Variants in AMELY observed in about 807,000 individuals in gnomAD.
The protein encoded by AMELY is amelogenin Y-linked, also known as amelogenin, Y isoform.
A neutral mutation model predicts 4.2 loss-of-function variants in AMELY; 4 were observed. The ratio of observed to expected loss-of-function variants is 0.96; its 90% CI spans 0.47 to 2.19. The LOEUF (loss-of-function observed/expected upper bound fraction) is 2.19. AMELY is among the 30% of genes most tolerant of loss of function. The probability of loss-of-function intolerance (pLI) is 0.02; values close to 1 mark genes in which losing one functional copy is unlikely to be tolerated. For missense variants in AMELY, 32 were observed against 41.5 expected, an observed-to-expected ratio of 0.77 and a Z score of 0.63; for synonymous variants, 11 against 14.7, an observed-to-expected ratio of 0.75 and a Z score of 0.57.
chrY:6,886,224 T>C (rs1292601716), intron 1 of AMELY, among the ~76,000 whole-genome samples: 2 of 33,748 alleles, frequency 5.9e-5, no homozygotes, highest in African/African-American at 1.2e-4. Context: ...AAATACAGAA[T>C]ATCTCAATAA....
chrY:6,885,424 A>G, intron 1 of AMELY, among the ~76,000 whole-genome samples: 1 of 34,402 alleles, frequency 2.9e-5, no homozygotes, highest in Admixed American at 2.6e-4. Flanking sequence ...GCAGGGAGCC[A>G]AAATTGTGCC....
chrY:6,874,936 C>T (rs968693189), intron 1 of AMELY, among the ~76,000 whole-genome samples: 1 of 32,801 alleles, frequency 3.0e-5, no homozygotes, highest in Non-Finnish European at 7.5e-5. Context: ...AATCTAGCAT[C>T]GAGAGATAAT....
intron 4 of AMELY, 70 bp downstream of exon 4, chrY:6,869,936 A>G: frequency 2.9e-6 from 1 of 339,921 alleles, no homozygotes; most frequent in East Asian, 9.5e-5. Context: ...GAATCCACCC[A>G]CTATTCTTTA....
chrY:6,905,988 G>C, intron 1 of AMELY, among the ~76,000 whole-genome samples: 1 of 33,191 alleles, frequency 3.0e-5, no homozygotes, highest in African/African-American at 1.2e-4. Context: ...GGAATCTATT[G>C]GGAGGTGACT....
At chrY:6,873,335 A>G in intron 2 of AMELY, among the ~76,000 whole-genome samples, 1 of 33,397 alleles carries the variant, frequency 3.0e-5, no homozygotes, top group African/African-American at 1.2e-4. Context: ...ATTTCATGGT[A>G]TCTTCCCTTT....
intron 1 of AMELY, among the ~76,000 whole-genome samples, chrY:6,882,680 T>A (rs2054075680): frequency 3.1e-5 from 1 of 32,350 alleles, no homozygotes; most frequent in Non-Finnish European, 7.5e-5. Flanking sequence ...TGGGAGAAAA[T>A]TTTTGCAATT....
intron 1 of AMELY, among the ~76,000 whole-genome samples, chrY:6,885,019 G>C (rs2054078162): frequency 2.9e-5 from 1 of 34,101 alleles, no homozygotes; most frequent in Non-Finnish European, 7.3e-5. Flanking sequence ...AATGTGAATG[G>C]AAGCAACAGT....
At chrY:6,875,892 G>C in intron 1 of AMELY, among the ~76,000 whole-genome samples, 1 of 32,616 alleles carries the variant, frequency 3.1e-5, no homozygotes, top group Non-Finnish European at 7.5e-5. Context: ...ACAAAATTAT[G>C]GGTGAGCTCT....
chrY:6,875,239 T>C, intron 1 of AMELY, among the ~76,000 whole-genome samples: 1 of 33,403 alleles, frequency 3.0e-5, no homozygotes, highest in Non-Finnish European at 7.4e-5. Flanking sequence ...CCACAGTTTC[T>C]TCATATATAA....
At chrY:6,870,179 T>C in intron 3 of AMELY, 126 bp from the exon 4 acceptor site, 1 of 201,936 alleles carries the variant, frequency 5.0e-6, no homozygotes, top group South Asian at 4.4e-5. Flanking sequence ...AAAATTACTT[T>C]TAAAAAATCT....
chrY:6,870,213 G>T (rs2054066669), intron 3 of AMELY, among the ~76,000 whole-genome samples, 160 bp from the exon 4 acceptor site: 1 of 33,171 alleles, frequency 3.0e-5, no homozygotes, highest in Non-Finnish European at 7.4e-5. Context: ...TATATTTGAG[G>T]TCTGTTTTTC....
chrY:6,896,957 C>A (rs534017018), intron 1 of AMELY, among the ~76,000 whole-genome samples: 7 of 33,267 alleles, frequency 2.1e-4, no homozygotes, highest in African/African-American at 4.7e-4. Flanking sequence ...GCAAAAGGGG[C>A]TGGATGGGAA....
chrY:6,876,567 C>T (rs2054072050), intron 1 of AMELY, among the ~76,000 whole-genome samples: 2 of 33,177 alleles, frequency 6.0e-5, no homozygotes, highest in African/African-American at 2.4e-4. Context: ...CCCCAGGGTT[C>T]CACTCTTCTG....
At chrY:6,869,834 C>T in intron 4 of AMELY, 172 bp downstream of exon 4, 1 of 201,234 alleles carries the variant, frequency 5.0e-6, no homozygotes, top group South Asian at 3.7e-5. Flanking sequence ...GCAACACAGG[C>T]TTGAGGCCAA....
intron 1 of AMELY, among the ~76,000 whole-genome samples, chrY:6,894,199 G>C (rs2054085060): frequency 3.0e-5 from 1 of 32,918 alleles, no homozygotes; most frequent in Admixed American, 2.8e-4. Flanking sequence ...TGTCCATACT[G>C]GGGGGGTACT....
chrY:6,908,565 A>AAC (rs757776328), intron 1 of AMELY, among the ~76,000 whole-genome samples: 23 of 30,786 alleles, frequency 7.5e-4, no homozygotes, highest in African/African-American at 1.5e-3. Flanking sequence ...AAATAACTGG[A>AAC]ACACACACAC....
chrY:6,869,552 C>T, intron 4 of AMELY, among the ~76,000 whole-genome samples: 1 of 33,607 alleles, frequency 3.0e-5, no homozygotes, highest in Admixed American at 2.7e-4. Context: ...CTATATTATT[C>T]TCCAATATTT....
At chrY:6,876,347 G>T (rs2054071855) in intron 1 of AMELY, among the ~76,000 whole-genome samples, 1 of 33,446 alleles carries the variant, frequency 3.0e-5, no homozygotes, top group Non-Finnish European at 7.4e-5. Context: ...TAGCTGATTA[G>T]ATATTGCTAA....
chrY:6,885,335 C>T (rs367566516), intron 1 of AMELY, among the ~76,000 whole-genome samples: 16 of 33,572 alleles, frequency 4.8e-4, no homozygotes, highest in Admixed American at 1.3e-3. Flanking sequence ...ATTAGCTGGG[C>T]GTGGTGGTGG....
Sources: gnomAD v4.1 joint callset for allele counts (sites outside exome capture counted in the v4.1 genomes callset) on GRCh38, gnomAD v4.1.1 for gene constraint, MANE v1.5 for transcripts, NCBI Gene and HGNC (gene_info 2026-07-23, HGNC 2026-07-21) for gene names.